WDR20: variants seen among roughly 807,000 people sequenced by gnomAD.
WDR20 encodes WD repeat domain 20, also known as WD repeat-containing protein 20.
In WDR20, 3 loss-of-function variants were observed where a neutral mutation model predicts 38.7. The ratio of observed to expected loss-of-function variants is 0.08; its 90% CI spans 0.04 to 0.20. WDR20 has a LOEUF of 0.20. WDR20 is among the 10% of genes least tolerant of loss of function. The probability of loss-of-function intolerance (pLI) is 1.00; values close to 1 mark genes in which losing one functional copy is unlikely to be tolerated. For missense variants in WDR20, 559 were observed against 727.7 expected, an observed-to-expected ratio of 0.77 and a Z score of 2.67; for synonymous variants, 298 against 285.6, an observed-to-expected ratio of 1.04 and a Z score of -0.44.
At chr14:102,176,501 A>G (rs1259808094) in intron 1 of WDR20, among the ~76,000 whole-genome samples, 1 of 152,204 alleles carries the variant, frequency 6.6e-6, no homozygotes, top group Non-Finnish European at 1.5e-5. Flanking sequence ...AATCGAGACT[A>G]TCCTGGCTAA....
intron 1 of WDR20, among the ~76,000 whole-genome samples, chr14:102,183,202 C>T (rs779805490): frequency 3.3e-5 from 5 of 152,170 alleles, no homozygotes; most frequent in African/African-American, 4.8e-5. Flanking sequence ...GTTGAACTTC[C>T]GATGAAGGCG....
intron 2 of WDR20, among the ~76,000 whole-genome samples, chr14:102,199,326 G>C (rs950842013): frequency 5.9e-5 from 9 of 152,026 alleles, no homozygotes; most frequent in African/African-American, 1.7e-4. Flanking sequence ...AGGGCCTGAA[G>C]AGCGAGCCTT....
intron 1 of WDR20, among the ~76,000 whole-genome samples, chr14:102,186,685 C>T (rs2064845253): frequency 1.3e-5 from 2 of 152,084 alleles, no homozygotes; most frequent in Non-Finnish European, 2.9e-5. Flanking sequence ...GGCGCAGTGG[C>T]TCACATCTGT....
intron 1 of WDR20, among the ~76,000 whole-genome samples, chr14:102,166,419 G>T (rs1460863103): frequency 6.6e-6 from 1 of 152,086 alleles, no homozygotes; most frequent in Non-Finnish European, 1.5e-5. Context: ...TTCCTTATCT[G>T]TTAGGCTGAA....
downstream of WDR20, chr14:102,214,272 G>T: frequency 1.0e-6 from 1 of 985,566 alleles, no homozygotes; most frequent in Non-Finnish European, 1.2e-6. Flanking sequence ...CACACCCTTC[G>T]CCACGGGCTG....
intron 1 of WDR20, among the ~76,000 whole-genome samples, chr14:102,152,367 T>C (rs1045806261): frequency 6.6e-6 from 1 of 152,006 alleles, no homozygotes; most frequent in Non-Finnish European, 1.5e-5. Flanking sequence ...TTAATAATAG[T>C]GTGGATTATG....
intron 2 of WDR20, chr14:102,197,859 G>C: frequency 2.9e-6 from 2 of 699,394 alleles, no homozygotes; most frequent in Non-Finnish European, 5.2e-6. Context: ...TGAGAGCTGA[G>C]GGCTTGAACT....
At chr14:102,169,893 AT>A (rs538642307) in intron 1 of WDR20, among the ~76,000 whole-genome samples, 32 of 152,210 alleles carry the variant, frequency 2.1e-4, no homozygotes, top group South Asian at 1.0e-3. Context: ...TCATAGGCCT[AT>A]TTTATTTTTT....
downstream of WDR20, among the ~76,000 whole-genome samples, chr14:102,211,302 G>T (rs1453538488): frequency 6.6e-6 from 1 of 152,232 alleles, no homozygotes; most frequent in Admixed American, 6.5e-5. This position sits in a 1 kb window ranked among gnomAD's most constrained non-coding sequence, Gnocchi z 4.2. Context: ...GCAAAGTGAA[G>T]ACCTGGTGGC....
intron 1 of WDR20, among the ~76,000 whole-genome samples, chr14:102,173,567 C>T (rs1433644822): frequency 6.6e-6 from 1 of 151,260 alleles, no homozygotes; most frequent in African/African-American, 2.4e-5. Flanking sequence ...TTGGTGCAGC[C>T]ATCACCTGAG....
intron 1 of WDR20, among the ~76,000 whole-genome samples, chr14:102,158,169 G>A (rs2057873262): frequency 6.6e-6 from 1 of 152,136 alleles, no homozygotes; most frequent in African/African-American, 2.4e-5. Context: ...ATCTGCACGT[G>A]TGCCCTGCAT....
rs1188823251 is a variant in WDR20, at chr14:102,173,235, C to T, written c.250-21703C>T. Among the ~76,000 whole-genome samples, 3 of 151,444 alleles carry T rather than the reference C, an allele frequency of 2.0e-5. No homozygotes were observed. The East Asian group carries it at 5.8e-4, about 29-fold the overall frequency. On this transcript the variant is annotated intron_variant, in intron 1 of 2. Transcript: ENST00000342702. ...TCAAGTGATTCTTCTGCCTCAGCCT[C>T]ACGAGCAGTTGGAACTACAGGCTTG...
intron 1 of WDR20, among the ~76,000 whole-genome samples, chr14:102,156,756 G>C (rs2057488214): frequency 6.6e-6 from 1 of 152,020 alleles, no homozygotes. Flanking sequence ...TAGCACTTTG[G>C]AAGGCTGAGG....
At chr14:102,145,775 AAAC>A (rs137996857) in intron 1 of WDR20, among the ~76,000 whole-genome samples, 99,170 of 150,888 alleles carry the variant, frequency 0.66, 35,898 homozygotes, top group East Asian at 0.92. Context: ...TGTTTCAAAA[AAAC>A]AAAACAATCA....
intron 1 of WDR20, among the ~76,000 whole-genome samples, chr14:102,164,646 T>C (rs746925720): frequency 1.6e-4 from 24 of 152,238 alleles, no homozygotes; most frequent in Non-Finnish European, 3.2e-4. Context: ...TTTGACACAA[T>C]TGATCATCTT....
chr14:102,167,790 T>C (rs1478632894), intron 1 of WDR20: 1 of 152,216 alleles, frequency 6.6e-6, no homozygotes, highest in Non-Finnish European at 1.5e-5. Flanking sequence ...TTGCAGACTA[T>C]TGAGGGCTGA....
intron 1 of WDR20, among the ~76,000 whole-genome samples, chr14:102,147,102 G>C (rs2053905059): frequency 6.6e-6 from 1 of 152,084 alleles, no homozygotes; most frequent in African/African-American, 2.4e-5. Flanking sequence ...AGAGGAGGGT[G>C]GTCATGAGAT....
intron 2 of WDR20, among the ~76,000 whole-genome samples, chr14:102,202,372 G>GTTTTTTT (rs5811062): frequency 5.9e-5 from 4 of 67,632 alleles, no homozygotes; most frequent in Admixed American, 4.7e-4. Context: ...CTGTATGGAG[G>GTTTTTTT]TTTTTTTTTT....
At chr14:102,177,360 C>G (rs1015146086) in intron 1 of WDR20, among the ~76,000 whole-genome samples, 4 of 152,150 alleles carry the variant, frequency 2.6e-5, no homozygotes, top group African/African-American at 4.8e-5. Flanking sequence ...TGAAAAACAT[C>G]GGTATTTGTC....
Sources: allele counts gnomAD v4.1 joint callset (sites outside exome capture counted in the v4.1 genomes callset), GRCh38; gene constraint gnomAD v4.1.1; non-coding constraint Gnocchi (gnomAD v3.1); transcripts MANE v1.5; gene names NCBI Gene and HGNC (gene_info 2026-07-23, HGNC 2026-07-21).